The following C5orf63 variants were observed in gnomAD, a reference collection of about 807,000 sequenced individuals.
The protein encoded by C5orf63 is chromosome 5 open reading frame 63.
A neutral mutation model predicts 13.3 loss-of-function variants in C5orf63; 18 were observed. The ratio of observed to expected loss-of-function variants is 1.36; its 90% confidence interval spans 0.94 to 2.01. The LOEUF is 2.01. Among genes scored for constraint, C5orf63 ranks in the 30% most tolerant of loss-of-function variants. C5orf63 has a pLI of 0.00. For synonymous variants in C5orf63, 38 were observed against 44.7 expected, an observed-to-expected ratio of 0.85 and a Z score of 0.60; for missense variants, 118 against 127.7, an observed-to-expected ratio of 0.92 and a Z score of 0.36.
downstream of C5orf63, chr5:127,044,231 A>G (rs1293410568): frequency 6.6e-6 from 1 of 152,216 alleles, no homozygotes; most frequent in Non-Finnish European, 1.5e-5. Flanking sequence ...AGCATAAAGA[A>G]GGGATGCCCA....
At chr5:127,057,915 G>A (rs1015579708) in intron 3 of C5orf63, among the ~76,000 whole-genome samples, 5 of 152,182 alleles carry the variant, frequency 3.3e-5, no homozygotes, top group African/African-American at 1.2e-4. Context: ...ACTGTGATGT[G>A]CCTTATGGAG....
downstream of C5orf63, among the ~76,000 whole-genome samples, chr5:127,049,718 T>A (rs1276490811): frequency 2.6e-5 from 4 of 152,276 alleles, no homozygotes; most frequent in African/African-American, 9.6e-5. Context: ...TTTAGCAGTT[T>A]AAAACAAGAC....
downstream of C5orf63, chr5:127,047,989 T>A: frequency 2.1e-5 from 13 of 617,206 alleles, 1 homozygote; most frequent in South Asian, 1.7e-4. Context: ...ACTGGCCTAC[T>A]TTCTGGACCC....
At chr5:127,051,997 T>G (rs1753694383) in intron 4 of C5orf63, 50 bp from the exon 5 acceptor site, 1 of 1,355,966 alleles carries the variant, frequency 7.4e-7, no homozygotes, top group Admixed American at 3.0e-5. Context: ...TGGGGTGATG[T>G]AACAACTGCA....
Position 127,060,209 on chromosome 5 carries a change from A to G in C5orf63, c.-7-1207T>C, listed in dbSNP as rs139038895. Among the ~76,000 whole-genome samples the G allele has an allele frequency of 1.0e-3, 155 of 152,246 alleles. 1 individual carries two copies. Among genetic ancestry groups the G allele is most frequent in the African/African-American group, 3.5e-3 (144 of 41,556 alleles). On this transcript the variant is annotated intron_variant, in intron 2 of 4. Coordinates refer to ENST00000296662, the MANE Select transcript of C5orf63 (RefSeq NM_001164478.2). ...GAACTATAGGAGAGAATCAGGCTGA[A>G]TTACCTTGTCAGAAAAAAAAATCTA...
downstream of C5orf63, chr5:127,047,965 T>C: frequency 1.6e-6 from 1 of 638,278 alleles, no homozygotes; most frequent in Non-Finnish European, 2.8e-6. Context: ...CTTATTTCAG[T>C]GGTGGAGTTG....
At chr5:127,066,323 A>G (rs1754332911) in intron 2 of C5orf63, among the ~76,000 whole-genome samples, 1 of 152,114 alleles carries the variant, frequency 6.6e-6, no homozygotes, top group Non-Finnish European at 1.5e-5. Flanking sequence ...ACATTTTTAA[A>G]AGGAAACTTC....
Position 127,051,739 on chromosome 5 carries a change from G to A in C5orf63, c.*32C>T. On this transcript the variant is annotated 3_prime_UTR_variant, in exon 5 of 5. Coordinates refer to ENST00000296662, the MANE Select transcript of C5orf63 (RefSeq NM_001164478.2). ...ATTTCCTTAGGAAGATGCTTTATGG[G>A]AAGAGAGGGTGGAAAATCATGAGGG... The A allele has an allele frequency of 6.8e-7, 1 of 1,465,966 alleles. No individual in the cohort carries two copies. Among genetic ancestry groups the A allele is most frequent in the South Asian group, 1.4e-5 (1 of 71,248 alleles). The allele number at this position is 1,465,966 out of a possible 1,614,324, so 90.8% of individuals were successfully genotyped here. A position where few individuals can be genotyped will look rare whatever the true frequency, so the allele number is the denominator to read the frequency against.
intron 2 of C5orf63, among the ~76,000 whole-genome samples, chr5:127,069,546 C>T (rs1318080336): frequency 1.3e-5 from 2 of 152,212 alleles, no homozygotes; most frequent in Non-Finnish European, 2.9e-5. Flanking sequence ...TTTGTGCCCC[C>T]ACAAAACCTA....
intron 4 of C5orf63, among the ~76,000 whole-genome samples, chr5:127,052,209 CAT>C (rs1753704780): frequency 6.6e-6 from 1 of 152,204 alleles, no homozygotes; most frequent in Non-Finnish European, 1.5e-5. Context: ...TGAAATAAAA[CAT>C]GTCCCAGTTG....
chr5:127,054,039 G>T (rs936775890), intron 3 of C5orf63, among the ~76,000 whole-genome samples: 2 of 152,174 alleles, frequency 1.3e-5, no homozygotes, highest in East Asian at 3.9e-4. Context: ...TTCAGAGAAG[G>T]TTTCAAAAAG....
downstream of C5orf63, chr5:127,043,698 C>G (rs1417986432): frequency 6.6e-6 from 1 of 152,194 alleles, no homozygotes; most frequent in Non-Finnish European, 1.5e-5. Context: ...TTCCCAACTT[C>G]TGACATCTCT....
chr5:127,053,009 CT>C (rs1408871742), intron 3 of C5orf63, among the ~76,000 whole-genome samples: 1 of 152,150 alleles, frequency 6.6e-6, no homozygotes, highest in Non-Finnish European at 1.5e-5. Flanking sequence ...CAGGTGCACC[CT>C]TGTGGCCTCA....
At chr5:127,044,924 C>T (rs917508588), downstream of C5orf63, 14 of 152,298 alleles carry the variant, frequency 9.2e-5, no homozygotes, top group African/African-American at 3.4e-4. Flanking sequence ...CCGGCTACCT[C>T]ATTCTAGTAC....
At chr5:127,051,225 T>A, downstream of C5orf63, 1 of 952,212 alleles carries the variant, frequency 1.1e-6, no homozygotes, top group Non-Finnish European at 1.4e-6. Flanking sequence ...AGGATAATAA[T>A]TCTCTTCTAC....
At chr5:127,063,581 C>G (rs1754193020) in intron 2 of C5orf63, among the ~76,000 whole-genome samples, 1 of 152,140 alleles carries the variant, frequency 6.6e-6, no homozygotes, top group Admixed American at 6.5e-5. Context: ...TCATGTGATC[C>G]CTCATCAGCA....
At chr5:127,058,792 C>T (rs17165251) in intron 3 of C5orf63, 90 bp downstream of exon 3, 49,040 of 814,586 alleles carry the variant, frequency 0.06, 2,177 homozygotes, top group African/African-American at 0.16. Flanking sequence ...CTGAAGAAAG[C>T]TTATTCCATT....
chr5:127,068,148 A>G (rs755994161), intron 2 of C5orf63, among the ~76,000 whole-genome samples: 2 of 152,196 alleles, frequency 1.3e-5, no homozygotes, highest in Non-Finnish European at 2.9e-5. Context: ...CTCTCATTTT[A>G]GAAACCCAAA....
At chr5:127,050,326 T>C (rs1238110176), downstream of C5orf63, among the ~76,000 whole-genome samples, 2 of 152,100 alleles carry the variant, frequency 1.3e-5, no homozygotes, top group Non-Finnish European at 2.9e-5. Context: ...ATTCAATTGC[T>C]AAGATTTTGT....
Sources: gnomAD v4.1 joint callset for allele counts (sites outside exome capture counted in the v4.1 genomes callset) on GRCh38, gnomAD v4.1.1 for gene constraint, MANE v1.5 for transcripts, NCBI Gene and HGNC (gene_info 2026-07-23, HGNC 2026-07-21) for gene names.